Variants in TUBB8 observed in about 807,000 individuals in gnomAD.
TUBB8 encodes the protein tubulin beta 8 class VIII.
A neutral mutation model predicts 33.7 loss-of-function variants in TUBB8; 25 were observed. That is an observed-to-expected ratio of 0.74 (90% CI 0.54 to 1.04). The LOEUF (loss-of-function observed/expected upper bound fraction) is 1.04, where lower values mean the gene tolerates loss of function less well. TUBB8 is among the 50% of genes least tolerant of loss of function. The pLI is 0.00. For missense variants in TUBB8, 279 were observed against 608.0 expected (o/e 0.46, Z 5.69); for synonymous variants, 245 against 240.1 (o/e 1.02, Z -0.19).
intron 1 of TUBB8, among the ~76,000 whole-genome samples, chr10:60,177 G>A (rs1834580062): frequency 6.6e-6 from 1 of 151,832 alleles, no homozygotes; most frequent in Non-Finnish European, 1.5e-5. Context: ...TTATTCTAGT[G>A]AATTAAGATG....
At chr10:53,017 A>C (rs374998955), upstream of TUBB8, among the ~76,000 whole-genome samples, 1 of 144,798 alleles carries the variant, frequency 6.9e-6, no homozygotes, top group African/African-American at 2.7e-5. Flanking sequence ...TTAGTACTCA[A>C]AGATTTCTCA....
chr10:74,866 A>AT (rs573408150), upstream of TUBB8, among the ~76,000 whole-genome samples: 4,196 of 115,522 alleles, frequency 0.036, 82 homozygotes, highest in Non-Finnish European at 0.053. Context: ...GTCTGTGCCA[A>AT]TTTTTTTTTT....
chr10:51,067 A>C (rs543155764), upstream of TUBB8, among the ~76,000 whole-genome samples: 2 of 152,212 alleles, frequency 1.3e-5, no homozygotes, highest in Non-Finnish European at 2.9e-5. Context: ...AGGTAATTGA[A>C]TCAGGGGATG....
upstream of TUBB8, among the ~76,000 whole-genome samples, chr10:76,486 A>G (rs1224551398): frequency 2.0e-5 from 3 of 152,108 alleles, no homozygotes; most frequent in Non-Finnish European, 4.4e-5. Context: ...CGGCGGCCCC[A>G]GGTGTCCCGG....
intron 1 of TUBB8, among the ~76,000 whole-genome samples, chr10:70,684 A>G (rs2130951994): frequency 6.6e-6 from 1 of 152,104 alleles, no homozygotes; most frequent in African/African-American, 2.4e-5. Context: ...TACTAAAAAT[A>G]CAATAATCAG....
chr10:55,125 G>A (rs1834513391), intron 1 of TUBB8, among the ~76,000 whole-genome samples: 2 of 152,184 alleles, frequency 1.3e-5, no homozygotes, highest in Admixed American at 1.3e-4. Flanking sequence ...GAGGCCTCAG[G>A]AAACTTACAG....
upstream of TUBB8, chr10:49,741 C>A: frequency 5.4e-6 from 2 of 368,944 alleles, no homozygotes; most frequent in Non-Finnish European, 1.1e-5. Context: ...TGGAGCAGTT[C>A]TAACCCACAA....
At chr10:57,398 G>A (rs1222366838) in intron 1 of TUBB8, among the ~76,000 whole-genome samples, 3 of 152,224 alleles carry the variant, frequency 2.0e-5, no homozygotes, top group Non-Finnish European at 4.4e-5. Context: ...TCTCTGCATT[G>A]TTTTAGTAGA....
At chr10:73,164 C>T (rs548096452) in intron 1 of TUBB8, among the ~76,000 whole-genome samples, 6 of 152,346 alleles carry the variant, frequency 3.9e-5, no homozygotes, top group Non-Finnish European at 2.9e-5. Context: ...CTGTTGTTGA[C>T]GAGTTCACTT....
chr10:49,280 A>C lies in TUBB8; in HGVS notation c.-42T>G, dbSNP rs182056908. The C allele has an allele frequency of 1.9e-6, 3 of 1,545,452 alleles. No homozygotes were observed. The highest frequency in any genetic ancestry group is 1.4e-5 in the African/African-American group (1 of 73,154). On this transcript the variant is annotated 5_prime_UTR_variant, in exon 1 of 4. Transcript: ENST00000568584. The stretch of plus-strand genomic sequence containing the variant: ...GGACGGCAGGAGAAACGTGAGAAGG[A>C]GGAGCAGACGCGCAGCGACCCAGCC...
At chr10:53,928 G>A (rs1554739906), upstream of TUBB8, among the ~76,000 whole-genome samples, 1 of 152,250 alleles carries the variant, frequency 6.6e-6, no homozygotes, top group East Asian at 1.9e-4. Context: ...GTACATAGTT[G>A]GTGTATATAT....
upstream of TUBB8, among the ~76,000 whole-genome samples, chr10:51,755 C>G (rs372720480): frequency 1.0e-3 from 156 of 150,748 alleles, no homozygotes; most frequent in African/African-American, 3.4e-3. Flanking sequence ...CTGCCCTTTA[C>G]CTTCTAGGAC....
intron 1 of TUBB8, among the ~76,000 whole-genome samples, chr10:60,057 C>T (rs1554740665): frequency 6.6e-6 from 1 of 152,012 alleles, no homozygotes; most frequent in East Asian, 1.9e-4. Context: ...TTTTACTGTT[C>T]AAAAAATCAA....
rs373690105 is a variant in TUBB8 at position 47,277 on chromosome 10, G to C, written c.1115C>G (p.Thr372Arg). Residue 372 changes from threonine (T) to arginine (R), a missense_variant, in exon 4 of 4, where the codon ACG becomes AGG. By Grantham distance (71) the Thr-to-Arg change is moderately conservative (BLOSUM62 -1). Around this residue, in one of 4 missense-constraint regions of TUBB8, gnomAD observed 123 missense variants for 228.9 expected, o/e 0.54. Transcript: ENST00000568584. ...KMSATFIGNN[T>R]AIQELFKRVS... The stretch of plus-strand genomic sequence containing the variant: ...ACGCTTGAAGAGTTCCTGGATGGCC[G>C]TATTATTCCCAATGAAGGTGGCTGA... The C allele has an allele frequency of 6.2e-7, 1 of 1,613,814 alleles. No homozygotes were observed. Among genetic ancestry groups the C allele is most frequent in the Non-Finnish European group, 8.5e-7 (1 of 1,180,008 alleles).
At position 47,276 on chromosome 10, in the gene TUBB8, C is replaced by T. The variant is rs782322002; in HGVS notation, c.1116G>A (p.Thr372=). ...CACGCTTGAAGAGTTCCTGGATGGC[C>T]GTATTATTCCCAATGAAGGTGGCTG... ...KMSATFIGNN[T]AIQELFKRVS... The change falls in exon 4 of 4, where the codon ACG becomes ACA. Residue 372 remains threonine (T), a synonymous_variant. Transcript: ENST00000568584. The T allele has an allele frequency of 5.0e-6, 8 of 1,613,826 alleles. No individual in the cohort carries two copies. The highest frequency in any genetic ancestry group is 1.3e-5 in the African/African-American group (1 of 75,036).
intron 1 of TUBB8, among the ~76,000 whole-genome samples, chr10:67,256 G>A (rs1210031310): frequency 6.6e-6 from 1 of 151,248 alleles, no homozygotes; most frequent in African/African-American, 2.4e-5. Flanking sequence ...CGTTGGGATT[G>A]TAACAGGAAT....
upstream of TUBB8, among the ~76,000 whole-genome samples, chr10:76,398 T>C (rs868953298): frequency 6.6e-5 from 10 of 151,970 alleles, no homozygotes; most frequent in African/African-American, 2.4e-4. Context: ...TGGGTACAAA[T>C]GGCCAGACGG....
intron 1 of TUBB8, 103 bp from the exon 2 acceptor site, chr10:49,015 C>G: frequency 8.2e-7 from 1 of 1,226,080 alleles, no homozygotes; most frequent in Non-Finnish European, 1.1e-6. Flanking sequence ...CCCTAGGCCG[C>G]CCTGTCCCTG....
chr10:67,153 G>GT (rs199984115), intron 1 of TUBB8, among the ~76,000 whole-genome samples: 202 of 140,402 alleles, frequency 1.4e-3, no homozygotes, highest in Middle Eastern at 7.1e-3. Flanking sequence ...TTTTTTTGTT[G>GT]TTTTTTTTTT....
Sources: gnomAD v4.1 joint callset for allele counts (sites outside exome capture counted in the v4.1 genomes callset) on GRCh38, gnomAD v4.1.1 for gene constraint, gnomAD v4.1.1 regional missense constraint, MANE v1.5 for transcripts, NCBI Gene and HGNC (gene_info 2026-07-23, HGNC 2026-07-21) for gene names.